TYW1: variants seen among roughly 807,000 people sequenced by gnomAD.
The protein encoded by TYW1 is S-adenosyl-L-methionine-dependent tRNA 4-demethylwyosine synthase TYW1.
A neutral mutation model predicts 96.2 loss-of-function variants in TYW1; 46 were observed. That is an observed-to-expected ratio of 0.48 (90% CI 0.38 to 0.61). The LOEUF (loss-of-function observed/expected upper bound fraction) is 0.61, where lower values mean the gene tolerates loss of function less well. Among genes scored for constraint, TYW1 ranks in the 20% least tolerant of loss-of-function variants. TYW1 has a pLI of 0.00. For missense variants in TYW1, 684 were observed against 909.6 expected, an observed-to-expected ratio of 0.75 and a Z score of 3.19; for synonymous variants, 274 against 323.0, an observed-to-expected ratio of 0.85 and a Z score of 1.63.
At chr7:67,149,287 A>T (rs1180395340) in intron 13 of TYW1, among the ~76,000 whole-genome samples, 1 of 152,230 alleles carries the variant, frequency 6.6e-6, no homozygotes, top group Non-Finnish European at 1.5e-5. Context: ...AGAAAGAAGG[A>T]AGCACTTTCT....
At chr7:67,020,763 C>T (rs1794226490) in intron 6 of TYW1, among the ~76,000 whole-genome samples, 1 of 152,292 alleles carries the variant, frequency 6.6e-6, no homozygotes, top group South Asian at 2.1e-4. Context: ...GGCGCGGTGG[C>T]TCATGCCTAT....
intron 15 of TYW1, among the ~76,000 whole-genome samples, chr7:67,222,298 T>C (rs1036567138): frequency 6.6e-6 from 1 of 152,244 alleles, no homozygotes; most frequent in African/African-American, 2.4e-5. Flanking sequence ...TGATCTTTAC[T>C]TCTTCATGCA....
chr7:67,082,285 T>C (rs1301286722), intron 10 of TYW1, among the ~76,000 whole-genome samples: 1 of 152,210 alleles, frequency 6.6e-6, no homozygotes, highest in Non-Finnish European at 1.5e-5. Flanking sequence ...GGAAAGACTT[T>C]CCTGGAGAAG....
chr7:67,139,804 A>G lies in TYW1; in HGVS notation c.1698+22186A>G, dbSNP rs1190472465. Reference sequence around the variant, plus strand: ...AAATAAATTCAGGTCCTCAAACTGTAATGATCACCATATTTAAAAAAGATT... The same window carrying G: ...AAATAAATTCAGGTCCTCAAACTGTGATGATCACCATATTTAAAAAAGATT... On this transcript the variant is annotated intron_variant, in intron 13 of 15. Transcript: ENST00000359626. 7.3e-5 allele frequency among the ~76,000 whole-genome samples: 11 copies of G among 151,032 alleles called. No individual in the cohort carries two copies. The East Asian group carries it at 2.1e-3, about 29-fold the overall frequency.
chr7:67,186,942 G>A (rs1277829500), intron 14 of TYW1, among the ~76,000 whole-genome samples: 1 of 151,752 alleles, frequency 6.6e-6, no homozygotes, highest in Non-Finnish European at 1.5e-5. Context: ...ATGTGCTGTT[G>A]GGAAATGAAT....
chr7:67,020,984 C>T (rs574822692), intron 6 of TYW1, among the ~76,000 whole-genome samples: 10 of 152,366 alleles, frequency 6.6e-5, no homozygotes, highest in South Asian at 6.2e-4. Flanking sequence ...GCCGAGATTG[C>T]GTCACTGCAC....
At chr7:67,163,700 G>T (rs557804418) in intron 13 of TYW1, among the ~76,000 whole-genome samples, 2 of 145,778 alleles carry the variant, frequency 1.4e-5, no homozygotes, top group Non-Finnish European at 3.0e-5. Flanking sequence ...ACAGAGTCTT[G>T]CTCTGTCGCT....
chr7:67,210,515 G>T (rs1191901343), intron 15 of TYW1, among the ~76,000 whole-genome samples: 2 of 152,210 alleles, frequency 1.3e-5, no homozygotes, highest in African/African-American at 4.8e-5. Flanking sequence ...CGTAGTGTTA[G>T]GCTCCCCGTC....
chr7:67,015,962 C>CAA (rs56663072), intron 5 of TYW1, among the ~76,000 whole-genome samples: 1 of 119,298 alleles, frequency 8.4e-6, no homozygotes, highest in African/African-American at 3.1e-5. Context: ...GACTATGTCT[C>CAA]AAAAAAAAAA....
intron 6 of TYW1, among the ~76,000 whole-genome samples, chr7:67,020,814 G>T (rs1794228374): frequency 6.6e-6 from 1 of 152,276 alleles, no homozygotes; most frequent in South Asian, 2.1e-4. Flanking sequence ...CGGATCATGA[G>T]GTTGGGAGTT....
intron 13 of TYW1, among the ~76,000 whole-genome samples, chr7:67,166,299 C>A (rs948037052): frequency 7.3e-6 from 1 of 137,066 alleles, no homozygotes; most frequent in Admixed American, 7.3e-5. Context: ...TGCCTCCTCC[C>A]AGTACTTTTT....
chr7:67,033,698 CTT>C (rs576428706), intron 7 of TYW1, among the ~76,000 whole-genome samples: 9 of 141,410 alleles, frequency 6.4e-5, no homozygotes, highest in Non-Finnish European at 9.3e-5. Context: ...CTGGGGGACC[CTT>C]TTTTTTTTTT....
At chr7:67,235,912 A>AG (rs1554398574) in intron 15 of TYW1, among the ~76,000 whole-genome samples, 1 of 142,544 alleles carries the variant, frequency 7.0e-6, no homozygotes, top group African/African-American at 2.7e-5. Context: ...AAAAAAAAAG[A>AG]AAAAGAGGTG....
intron 13 of TYW1, among the ~76,000 whole-genome samples, chr7:67,169,785 TG>T (rs1410817477): frequency 6.6e-6 from 1 of 152,224 alleles, no homozygotes; most frequent in Admixed American, 6.5e-5. Context: ...TGATGGACGT[TG>T]GCATTGTTTC....
At position 67,185,568 on chromosome 7, in the gene TYW1, G is replaced by A. The variant is rs534769303; in HGVS notation, c.1809+2332G>A. ...TGGCTTAAGCCATTGCGTGGATGGT[G>A]AAACTGTTTGCTGAGATACAGGAAA... On this transcript the variant is annotated intron_variant, in intron 14 of 15. Transcript: ENST00000359626. Among the ~76,000 whole-genome samples the A allele has an allele frequency of 8.9e-4, 136 of 152,350 alleles. 1 individual carries two copies. Among genetic ancestry groups the A allele is most frequent in the African/African-American group, 3.2e-3 (132 of 41,580 alleles).
At chr7:67,029,297 CTTAAGATTTAAAAAAATGATGT>C (rs1794565458) in intron 7 of TYW1, among the ~76,000 whole-genome samples, 1 of 74,460 alleles carries the variant, frequency 1.3e-5, no homozygotes, top group African/African-American at 4.4e-5. Context: ...CTGATATGGA[CTTAAGATTTAAAAAAATGATGT>C]GGACTTAAGA....
At chr7:67,238,181 G>A (rs1371322945) in intron 15 of TYW1, 127 bp from the exon 16 acceptor site, 1 of 1,394,306 alleles carries the variant, frequency 7.2e-7, no homozygotes, top group Non-Finnish European at 9.6e-7. Context: ...TTTTGTGTTT[G>A]TTTTTGTTTT....
chr7:67,110,496 C>A (rs1797369403), intron 12 of TYW1, among the ~76,000 whole-genome samples: 1 of 152,190 alleles, frequency 6.6e-6, no homozygotes, highest in African/African-American at 2.4e-5. Flanking sequence ...CATTAATGAG[C>A]TGACCACTAA....
At chr7:67,020,517 C>T (rs577191505) in intron 6 of TYW1, among the ~76,000 whole-genome samples, 8 of 152,378 alleles carry the variant, frequency 5.3e-5, no homozygotes, top group East Asian at 3.9e-4. Flanking sequence ...GGATTACAGA[C>T]GTGAGCCATT....
Sources: gnomAD v4.1 joint callset for allele counts (sites outside exome capture counted in the v4.1 genomes callset) on GRCh38, gnomAD v4.1.1 for gene constraint, MANE v1.5 for transcripts, NCBI Gene and HGNC (gene_info 2026-07-23, HGNC 2026-07-21) for gene names.